NRXN1: variants seen among roughly 807,000 people sequenced by gnomAD.
NRXN1 encodes neurexin-1.
NRXN1 carries 39 observed loss-of-function variants against 150.9 expected under a neutral mutation model. That is an observed-to-expected ratio of 0.26 (90% CI 0.20 to 0.34). The LOEUF (loss-of-function observed/expected upper bound fraction) is 0.34, where lower values mean the gene tolerates loss of function less well. NRXN1 is among the 10% of genes least tolerant of loss of function. NRXN1 has a pLI of 1.00. For synonymous variants in NRXN1, 924 were observed against 757.0 expected (o/e 1.22, Z -3.62); for missense variants, 1,815 against 1,949.9 (o/e 0.93, Z 1.30).
intron 17 of NRXN1, among the ~76,000 whole-genome samples, chr2:50,334,209 A>ATATATATATATATATGTATGTATG (rs760530144): frequency 1.6e-5 from 2 of 121,480 alleles, no homozygotes; most frequent in South Asian, 2.6e-4. Flanking sequence ...ATATATATAT[A>ATATATATATATATATGTATGTATG]TATGTATGTA....
At chr2:50,190,001 C>T (rs747237740) in intron 18 of NRXN1, among the ~76,000 whole-genome samples, 1 of 152,010 alleles carries the variant, frequency 6.6e-6, no homozygotes, top group Non-Finnish European at 1.5e-5. Context: ...AGATTAGTAG[C>T]AAAAGGCTGA....
intron 5 of NRXN1, among the ~76,000 whole-genome samples, chr2:50,772,303 A>G (rs1294872295): frequency 6.6e-6 from 1 of 151,844 alleles, no homozygotes; most frequent in African/African-American, 2.4e-5. Flanking sequence ...CACATTATCT[A>G]GGATGAGCTG....
chr2:50,071,913 T>G (rs1696345767), intron 19 of NRXN1, among the ~76,000 whole-genome samples: 2 of 152,194 alleles, frequency 1.3e-5, no homozygotes, highest in Non-Finnish European at 2.9e-5. Context: ...ATGTATTTTG[T>G]CCTGTTCTGG....
intron 11 of NRXN1, among the ~76,000 whole-genome samples, chr2:50,530,664 G>T (rs1384115745): frequency 6.6e-6 from 1 of 152,104 alleles, no homozygotes; most frequent in African/African-American, 2.4e-5. Flanking sequence ...CAGACTTTGG[G>T]CATTGAAGGG....
intron 5 of NRXN1, among the ~76,000 whole-genome samples, chr2:50,843,995 C>T (rs1193002127): frequency 6.6e-6 from 1 of 152,094 alleles, no homozygotes; most frequent in African/African-American, 2.4e-5. Flanking sequence ...CTTCTGAGAC[C>T]TTGCCACAGC....
chr2:49,939,249 G>A (rs780460932), intron 22 of NRXN1, among the ~76,000 whole-genome samples: 6 of 152,006 alleles, frequency 3.9e-5, no homozygotes, highest in East Asian at 3.9e-4. Flanking sequence ...GAAAAATCAC[G>A]GAAGCTGTAA....
At chr2:50,774,725 A>T (rs1703399189) in intron 5 of NRXN1, among the ~76,000 whole-genome samples, 1 of 152,114 alleles carries the variant, frequency 6.6e-6, no homozygotes, top group South Asian at 2.1e-4. Flanking sequence ...AGTTTCAATG[A>T]CTCAAGTTCT....
chr2:50,222,021 T>C (rs2063932755), intron 18 of NRXN1, among the ~76,000 whole-genome samples: 1 of 151,930 alleles, frequency 6.6e-6, no homozygotes, highest in Non-Finnish European at 1.5e-5. Flanking sequence ...GACTGCAGGA[T>C]TGAAATAAAA....
chr2:50,793,181 T>G (rs189972783), intron 5 of NRXN1, among the ~76,000 whole-genome samples: 44 of 152,244 alleles, frequency 2.9e-4, no homozygotes, highest in Non-Finnish European at 4.7e-4. Context: ...AAAAGCATTG[T>G]GTAAAATACA....
At chr2:50,612,149 C>T (rs1410296449) in intron 8 of NRXN1, among the ~76,000 whole-genome samples, 1 of 152,118 alleles carries the variant, frequency 6.6e-6, no homozygotes, top group African/African-American at 2.4e-5. Flanking sequence ...TTGTTACTTA[C>T]TAATTATTTT....
chr2:50,217,881 A>G (rs1319953383), intron 18 of NRXN1, among the ~76,000 whole-genome samples: 1 of 152,062 alleles, frequency 6.6e-6, no homozygotes, highest in African/African-American at 2.4e-5. Flanking sequence ...CCATTTAGCC[A>G]TTCATCCAGA....
Position 50,538,536 on chromosome 2 carries a change from T to A in NRXN1, c.1860A>T (p.Glu620Asp), listed in dbSNP as rs2093319536. 5 of 1,592,142 alleles carry A rather than the reference T, an allele frequency of 3.1e-6. No homozygotes were observed. The highest frequency in any genetic ancestry group is 1.3e-5 in the African/African-American group (1 of 74,568). Residue 620 changes from glutamate (E) to aspartate (D), a missense_variant, in exon 10 of 23, where the codon GAA becomes GAT. By Grantham distance (45) the Glu-to-Asp change is conservative (BLOSUM62 2). This residue lies in a region of NRXN1 where 638 missense variants were observed against 652.6 expected (regional missense o/e 0.98). Transcript: ENST00000401669. ...TGGGGAAGACAAGGCCAGCTTTATT[T>A]TCTGGCAGCCCCCCCAGGTACAACT... Reference protein sequence around the residue: ...DDELYLGGLPENKAGLVFPTE... With the variant: ...DDELYLGGLPDNKAGLVFPTE...
Position 50,311,019 on chromosome 2 carries a change from C to T in NRXN1, c.3365-74049G>A, listed in dbSNP as rs541867333. Among the ~76,000 whole-genome samples the T allele has an allele frequency of 9.9e-5, 15 of 152,052 alleles. No individual in the cohort carries two copies. The South Asian group carries it at 2.5e-3, about 25-fold the overall frequency. On this transcript the variant is annotated intron_variant, in intron 17 of 22. Coordinates refer to ENST00000401669, the MANE Select transcript of NRXN1 (RefSeq NM_001330078.2). ...TTTTTCCCTAGATAATGGCAAAGGC[C>T]GCATGACTATTAAAACTTTAGATAA...
intron 5 of NRXN1, among the ~76,000 whole-genome samples, chr2:50,828,402 G>A (rs1482948577): frequency 6.6e-6 from 1 of 151,390 alleles, no homozygotes; most frequent in African/African-American, 2.4e-5. Flanking sequence ...CGGGGTGGCT[G>A]CCGGGCGGAG....
intron 18 of NRXN1, among the ~76,000 whole-genome samples, chr2:50,142,860 G>C (rs1707471218): frequency 6.6e-6 from 1 of 151,796 alleles, no homozygotes; most frequent in African/African-American, 2.4e-5. Flanking sequence ...AAGAAGGTGA[G>C]AATAAAGCGA....
At chr2:50,415,842 C>A (rs1053094865) in intron 17 of NRXN1, among the ~76,000 whole-genome samples, 12 of 147,086 alleles carry the variant, frequency 8.2e-5, no homozygotes, top group Non-Finnish European at 7.5e-5. Flanking sequence ...TAAAAAAAAA[C>A]AGAAAAAAAT....
intron 12 of NRXN1, among the ~76,000 whole-genome samples, chr2:50,526,499 T>C (rs2092955595): frequency 6.6e-6 from 1 of 152,138 alleles, no homozygotes; most frequent in Non-Finnish European, 1.5e-5. Flanking sequence ...GATACAGATA[T>C]TGTTAATTTA....
intron 8 of NRXN1, among the ~76,000 whole-genome samples, chr2:50,569,975 A>G (rs1227301955): frequency 1.3e-5 from 2 of 152,338 alleles, no homozygotes; most frequent in East Asian, 3.9e-4. Context: ...CTTGTCTAAT[A>G]CGGATGCTCT....
chr2:50,036,102 A>C (rs1197550113), intron 21 of NRXN1, among the ~76,000 whole-genome samples: 1 of 152,052 alleles, frequency 6.6e-6, no homozygotes, highest in East Asian at 1.9e-4. Flanking sequence ...CCCTACCCAA[A>C]ATCTCATCTT....
Sources: allele counts gnomAD v4.1 joint callset (sites outside exome capture counted in the v4.1 genomes callset), GRCh38; gene constraint gnomAD v4.1.1; regional missense constraint gnomAD v4.1.1; transcripts MANE v1.5; gene names NCBI Gene and HGNC (gene_info 2026-07-23, HGNC 2026-07-21).